Variants in POLR3H observed in about 807,000 individuals in gnomAD.
POLR3H encodes RNA polymerase III subunit H.
A neutral mutation model predicts 25.5 loss-of-function variants in POLR3H; 17 were observed. The ratio of observed to expected loss-of-function variants is 0.67; its 90% CI spans 0.46 to 1.00. The LOEUF (loss-of-function observed/expected upper bound fraction) is 1.00. POLR3H is among the 50% of genes least tolerant of loss of function. The pLI, the probability that POLR3H is intolerant of heterozygous loss-of-function variation, is 0.00. For missense variants in POLR3H, 274 were observed against 265.0 expected (o/e 1.03, Z -0.24); for synonymous variants, 129 against 103.0 (o/e 1.25, Z -1.53).
Position 41,527,782 on chromosome 22 carries a change from C to T in POLR3H, c.*1501G>A, listed in dbSNP as rs559018055. The T allele has an allele frequency of 8.0e-4, 1,224 of 1,529,212 alleles. 3 individuals carry two copies. Among genetic ancestry groups the T allele is most frequent in the Middle Eastern group, 1.6e-3 (9 of 5,764 alleles). The allele number at this position is 1,529,212 out of a possible 1,614,324, so 94.7% of individuals were successfully genotyped here. ...CAGACCAGGGCCCCATAGTCACTGC[C>T]CGGGCATTGTCCCAGGCAGCAGGAT... On this transcript the variant is annotated 3_prime_UTR_variant, in exon 6 of 6. Coordinates refer to ENST00000355209, the MANE Select transcript of POLR3H (RefSeq NM_001018050.4).
At position 41,527,625 on chromosome 22, in the gene POLR3H, T is replaced by C; in HGVS notation, c.*1658A>G. On this transcript the variant is annotated 3_prime_UTR_variant, in exon 6 of 6. Transcript: ENST00000355209. Reference sequence around the variant, plus strand: ...CTTCCCGCAGGCCCTGCTTCCAGGCTTGTAGATCTGAGCCGCTGAGATCTA... The same window carrying C: ...CTTCCCGCAGGCCCTGCTTCCAGGCCTGTAGATCTGAGCCGCTGAGATCTA... 2 of 838,678 alleles carry C rather than the reference T, an allele frequency of 2.4e-6. No individual in the cohort carries two copies. Among genetic ancestry groups the C allele is most frequent in the Non-Finnish European group, 3.6e-6 (2 of 554,112 alleles). 52.0% of individuals were successfully genotyped at this position (838,678 alleles called of 1,614,324 possible).
intron 2 of POLR3H, among the ~76,000 whole-genome samples, chr22:41,536,079 C>G (rs549699346): frequency 6.7e-6 from 1 of 150,024 alleles, no homozygotes; most frequent in Non-Finnish European, 1.5e-5. Flanking sequence ...CATGAGCCAC[C>G]ATATCTGCCC....
At chr22:41,543,404 G>A (rs1012742534) in intron 1 of POLR3H, among the ~76,000 whole-genome samples, 5 of 152,122 alleles carry the variant, frequency 3.3e-5, no homozygotes, top group Admixed American at 2.0e-4. Flanking sequence ...GAGGCGGGGG[G>A]ATCAAGAGAT....
rs2066746605 is a variant in POLR3H at position 41,532,099 on chromosome 22, G to C, written c.354C>G (p.Ala118=). 2 of 1,613,928 alleles carry C rather than the reference G, an allele frequency of 1.2e-6. No homozygotes were observed. The highest frequency in any genetic ancestry group is 1.7e-6 in the Non-Finnish European group (2 of 1,179,828). ...LIPPESLQQP[A]KFDEAEQVWV... ...CTTTAACCCTTGGAGGATACAACTT[G>C]GCTGGCTGCTGCAGTGACTCTGGGG... Residue 118 remains alanine, a synonymous_variant, in exon 4 of 6, where the codon GCC becomes GCG. Transcript: ENST00000355209.
intron 2 of POLR3H, among the ~76,000 whole-genome samples, chr22:41,538,938 C>A (rs1033350218): frequency 1.3e-5 from 2 of 152,164 alleles, no homozygotes; most frequent in Non-Finnish European, 2.9e-5. Context: ...CCAACATGAG[C>A]TCGTGTGACA....
At chr22:41,532,815 G>A (rs1569032179) in intron 2 of POLR3H, 70 bp from the exon 3 acceptor site, 7 of 1,545,978 alleles carry the variant, frequency 4.5e-6, no homozygotes, top group Admixed American at 3.5e-5. Context: ...ACCCTCAGGT[G>A]CCAGCACACC....
intron 2 of POLR3H, chr22:41,539,471 G>A (rs921624958): frequency 6.6e-6 from 1 of 152,370 alleles, no homozygotes; most frequent in Non-Finnish European, 1.5e-5. Flanking sequence ...CCCTCTCCTG[G>A]GGCTCATCAC....
At chr22:41,534,892 CAAAAAAA>C (rs56179192) in intron 2 of POLR3H, among the ~76,000 whole-genome samples, 52,800 of 126,590 alleles carry the variant, frequency 0.42, 11,465 homozygotes, top group Non-Finnish European at 0.53. Context: ...GAAACTCTGT[CAAAAAAA>C]AAAAAAAAAA....
chr22:41,526,182 G>A lies in POLR3H; in HGVS notation c.*3101C>T. 1.4e-6 allele frequency: 2 copies of A among 1,383,894 alleles called. No homozygotes were observed. 85.7% of individuals were successfully genotyped at this position (1,383,894 alleles called of 1,614,324 possible). Reference sequence around the variant, plus strand: ...TCACCCCTCCTGGGCCCCGGGGCCTGCTGCCTGCCTCTGGAGGGCTTGTCA... The same window carrying A: ...TCACCCCTCCTGGGCCCCGGGGCCTACTGCCTGCCTCTGGAGGGCTTGTCA... On this transcript the variant is annotated 3_prime_UTR_variant, in exon 6 of 6. Transcript: ENST00000355209.
chr22:41,528,269 C>A lies in POLR3H; in HGVS notation c.*1014G>T. On this transcript the variant is annotated 3_prime_UTR_variant, in exon 6 of 6. Coordinates refer to ENST00000355209, the MANE Select transcript of POLR3H (RefSeq NM_001018050.4). Reference sequence around the variant, plus strand: ...CAGGACCTGGCACTCAGGGGACAGCCCACCCACTGCAGGACCCTCTGGGCC... The same window carrying A: ...CAGGACCTGGCACTCAGGGGACAGCACACCCACTGCAGGACCCTCTGGGCC... 2 of 846,668 alleles carry A rather than the reference C, an allele frequency of 2.4e-6. No homozygotes were observed. The highest frequency in any genetic ancestry group is 3.6e-6 in the Non-Finnish European group (2 of 560,476). 52.4% of individuals were successfully genotyped at this position (846,668 alleles called of 1,614,324 possible). A position where few individuals can be genotyped will look rare whatever the true frequency, so the allele number is the denominator to read the frequency against.
At chr22:41,532,190 TGGG>T (rs769121352) in intron 3 of POLR3H, 33 bp from the exon 4 acceptor site, 2 of 1,606,772 alleles carry the variant, frequency 1.2e-6, no homozygotes, top group South Asian at 2.2e-5. Context: ...CGGCCTGAGA[TGGG>T]GGTCCCAGTG....
In POLR3H at chr22:41,543,974, A is replaced by G; in HGVS notation, c.111+17T>C. ...TCTCCCACGCCAAGGCCTGCCCGCG[A>G]GCCGTGGGCCCAGTACCTTGTTGGC... On this transcript the variant is annotated intron_variant, in intron 1 of 5. Coordinates refer to ENST00000355209, the MANE Select transcript of POLR3H (RefSeq NM_001018050.4). 6.3e-7 allele frequency: 1 copy of G among 1,582,386 alleles called. No individual in the cohort carries two copies. The highest frequency in any genetic ancestry group is 2.2e-5 in the East Asian group (1 of 44,714).
intron 2 of POLR3H, among the ~76,000 whole-genome samples, chr22:41,535,848 C>T (rs2066832352): frequency 6.6e-6 from 1 of 152,162 alleles, no homozygotes; most frequent in Non-Finnish European, 1.5e-5. Flanking sequence ...TGGTGCATGC[C>T]TGTAATCCCA....
At chr22:41,534,705 G>A (rs150795604) in intron 2 of POLR3H, among the ~76,000 whole-genome samples, 7 of 151,890 alleles carry the variant, frequency 4.6e-5, no homozygotes, top group African/African-American at 1.7e-4. Flanking sequence ...CATCCTGGCC[G>A]ACATAGTGAA....
rs2066617143 is a variant in POLR3H at position 41,527,153 on chromosome 22, A to C, written c.*2130T>G. 2 of 1,345,634 alleles carry C rather than the reference A, an allele frequency of 1.5e-6. No individual in the cohort carries two copies. Among genetic ancestry groups the C allele is most frequent in the Admixed American group, 4.1e-5 (2 of 49,266 alleles). The allele number at this position is 1,345,634 out of a possible 1,614,324, so 83.4% of individuals were successfully genotyped here. ...CTTGCCCTTAGGCAGCAGGCGAGGA[A>C]GGGCCCCTCCAGCCCCTTTACCGGG... On this transcript the variant is annotated 3_prime_UTR_variant, in exon 6 of 6. Coordinates refer to ENST00000355209, the MANE Select transcript of POLR3H (RefSeq NM_001018050.4).
In POLR3H at chr22:41,527,237, G is replaced by C; in HGVS notation, c.*2046C>G. 4 of 1,612,532 alleles carry C rather than the reference G, an allele frequency of 2.5e-6. No individual in the cohort carries two copies. Among genetic ancestry groups the C allele is most frequent in the Non-Finnish European group, 3.4e-6 (4 of 1,179,808 alleles). On this transcript the variant is annotated 3_prime_UTR_variant, in exon 6 of 6. Coordinates refer to ENST00000355209, the MANE Select transcript of POLR3H (RefSeq NM_001018050.4). ...GCCAGGCAGGTAGGGCCAGACAGGT[G>C]AGGACGGTGCCCTCCTCTGCCTTAT...
In POLR3H at chr22:41,528,782, T is replaced by TTAAAA; in HGVS notation, c.*496_*500dup. 4 of 961,924 alleles carry TTAAAA rather than the reference T, an allele frequency of 4.2e-6. No individual in the cohort carries two copies. Among genetic ancestry groups the TTAAAA allele is most frequent in the Non-Finnish European group, 5.9e-6 (4 of 675,960 alleles). 59.6% of individuals were successfully genotyped at this position (961,924 alleles called of 1,614,324 possible). ...GACTGTGGTTGTGGTGGGGGGGTTC[T>TTAAAA]TAAAATAACTTTTTAGCCCCCGTCT... On this transcript the variant is annotated 3_prime_UTR_variant, in exon 6 of 6. Coordinates refer to ENST00000355209, the MANE Select transcript of POLR3H (RefSeq NM_001018050.4).
rs2066664837 is a variant in POLR3H at position 41,528,981 on chromosome 22, GT to G, written c.*301del. 2 of 533,180 alleles carry G rather than the reference GT, an allele frequency of 3.8e-6. No individual in the cohort carries two copies. Among genetic ancestry groups the G allele is most frequent in the African/African-American group, 1.9e-5 (1 of 51,976 alleles). 33.0% of individuals were successfully genotyped at this position (533,180 alleles called of 1,614,324 possible). The stretch of plus-strand genomic sequence containing the variant: ...AAACAAGAATCCAAAACCAGTGACT[GT>G]TCTGTGAGTGATTGGTGTCTGTGCC... On this transcript the variant is annotated 3_prime_UTR_variant, in exon 6 of 6. Coordinates refer to ENST00000355209, the MANE Select transcript of POLR3H (RefSeq NM_001018050.4).
At chr22:41,536,146 A>C (rs1460300860) in intron 2 of POLR3H, among the ~76,000 whole-genome samples, 1 of 150,058 alleles carries the variant, frequency 6.7e-6, no homozygotes, top group Non-Finnish European at 1.5e-5. Flanking sequence ...TAATCCCAGC[A>C]CTTTGGGAGC....
Sources: allele counts gnomAD v4.1 joint callset (sites outside exome capture counted in the v4.1 genomes callset), GRCh38; gene constraint gnomAD v4.1.1; transcripts MANE v1.5; gene names NCBI Gene and HGNC (gene_info 2026-07-23, HGNC 2026-07-21).